Variants in LMO7 observed in about 807,000 individuals in gnomAD.
LMO7 encodes LIM domain 7.
A neutral mutation model predicts 206.5 loss-of-function variants in LMO7; 120 were observed. That is an observed-to-expected ratio of 0.58 (90% CI 0.50 to 0.68). LMO7 has a LOEUF of 0.68. Among genes scored for constraint, LMO7 ranks in the 30% least tolerant of loss-of-function variants. The pLI, the probability that LMO7 is intolerant of heterozygous loss-of-function variation, is 0.00. For missense variants in LMO7, 1,959 were observed against 1,957.9 expected, an observed-to-expected ratio of 1.00 and a Z score of -0.01; for synonymous variants, 706 against 681.5, an observed-to-expected ratio of 1.04 and a Z score of -0.56.
chr13:75,778,703 G>C (rs2140251214), intron 4 of LMO7, among the ~76,000 whole-genome samples: 1 of 152,272 alleles, frequency 6.6e-6, no homozygotes, highest in East Asian at 1.9e-4. Flanking sequence ...GTTGGGTAAG[G>C]CTAGAGGACT....
intron 2 of LMO7, among the ~76,000 whole-genome samples, chr13:75,626,595 A>ATATATATATATATATATATT: frequency 2.8e-5 from 2 of 71,096 alleles, no homozygotes; most frequent in Non-Finnish European, 7.2e-5. Context: ...ATATATATAA[A>ATATATATATATATATATATT]TTTTTTTGAG....
At chr13:75,849,903 C>T (rs941425534) in intron 27 of LMO7, among the ~76,000 whole-genome samples, 1 of 152,116 alleles carries the variant, frequency 6.6e-6, no homozygotes, top group African/African-American at 2.4e-5. Flanking sequence ...TAACATATCA[C>T]AGAGAAAGAG....
chr13:75,802,189 A>G (rs1174763222), intron 7 of LMO7, among the ~76,000 whole-genome samples: 1 of 152,252 alleles, frequency 6.6e-6, no homozygotes, highest in Non-Finnish European at 1.5e-5. Context: ...GCATGGTAAC[A>G]AAAAACCTGA....
At chr13:75,846,888 A>T (rs2060036093) in intron 26 of LMO7, among the ~76,000 whole-genome samples, 1 of 152,114 alleles carries the variant, frequency 6.6e-6, no homozygotes. Context: ...AAAATTAGCC[A>T]GGCGTGGTGG....
At chr13:75,810,565 T>C (rs904272056) in intron 11 of LMO7, among the ~76,000 whole-genome samples, 1 of 152,244 alleles carries the variant, frequency 6.6e-6, no homozygotes, top group Admixed American at 6.5e-5. Flanking sequence ...TGCTTAAACA[T>C]TTGCTACTCT....
At chr13:75,633,841 C>CTTT (rs60769000), upstream of LMO7, among the ~76,000 whole-genome samples, 28 of 64,690 alleles carry the variant, frequency 4.3e-4, no homozygotes, top group African/African-American at 1.0e-3. Flanking sequence ...GTGTCTTTTC[C>CTTT]TTTTTTTTTT....
intron 1 of LMO7, among the ~76,000 whole-genome samples, chr13:75,681,592 T>A (rs1297446455): frequency 1.3e-5 from 2 of 151,504 alleles, no homozygotes; most frequent in African/African-American, 4.8e-5. Flanking sequence ...TGTAGTCAAC[T>A]CTTCTCACTC....
chr13:75,811,243 C>G (rs756466410), intron 11 of LMO7, among the ~76,000 whole-genome samples: 8 of 127,076 alleles, frequency 6.3e-5, no homozygotes, highest in Non-Finnish European at 1.1e-4. Context: ...TGGAGTCTTG[C>G]TATGTTGCCC....
At chr13:75,710,797 T>C (rs2138062811) in intron 1 of LMO7, among the ~76,000 whole-genome samples, 1 of 152,238 alleles carries the variant, frequency 6.6e-6, no homozygotes, top group East Asian at 1.9e-4. Context: ...TATTTCCTTT[T>C]CCTGCCTGAT....
At chr13:75,844,085 C>T (rs1174931095) in intron 25 of LMO7, among the ~76,000 whole-genome samples, 1 of 151,978 alleles carries the variant, frequency 6.6e-6, no homozygotes, top group Non-Finnish European at 1.5e-5. Flanking sequence ...AGCTCATGAC[C>T]TTGGGGAAAA....
chr13:75,756,800 C>A (rs2139585695), intron 3 of LMO7, among the ~76,000 whole-genome samples: 1 of 152,258 alleles, frequency 6.6e-6, no homozygotes, highest in South Asian at 2.1e-4. Flanking sequence ...CTCAGACACT[C>A]CTGGATCTGA....
chr13:75,708,685 C>T (rs1174709495), intron 1 of LMO7, among the ~76,000 whole-genome samples: 1 of 152,218 alleles, frequency 6.6e-6, no homozygotes, highest in Non-Finnish European at 1.5e-5. Flanking sequence ...AAAAGAGTTT[C>T]TCTTGCACAG....
chr13:75,733,781 T>C (rs2045528139), intron 3 of LMO7, among the ~76,000 whole-genome samples: 1 of 152,198 alleles, frequency 6.6e-6, no homozygotes, highest in Non-Finnish European at 1.5e-5. Context: ...TCCTCCCTTA[T>C]TTTAATTTTT....
At chr13:75,750,091 C>G (rs140912459) in intron 3 of LMO7, among the ~76,000 whole-genome samples, 24 of 151,546 alleles carry the variant, frequency 1.6e-4, no homozygotes, top group African/African-American at 5.8e-4. Context: ...CATCAAAGCA[C>G]ACACAACTGC....
chr13:75,820,852 C>G (rs2057497304), intron 13 of LMO7, among the ~76,000 whole-genome samples: 1 of 152,002 alleles, frequency 6.6e-6, no homozygotes, highest in East Asian at 1.9e-4. Flanking sequence ...GAAAAATTAG[C>G]TGGGTGTGGT....
rs1245435937 is a variant in LMO7, at chr13:75,754,184, T to C, written c.211-6748T>C. Among the ~76,000 whole-genome samples, 7 of 152,332 alleles carry C rather than the reference T, an allele frequency of 4.6e-5. No individual in the cohort carries two copies. In the East Asian group the frequency reaches 1.2e-3, roughly 25 times the overall value. On this transcript the variant is annotated intron_variant, in intron 3 of 30. Coordinates refer to ENST00000377534, the MANE Select transcript of LMO7 (RefSeq NM_001306080.2). ...CTTAACATCAAGTGGTTTCTCCCCA[T>C]TTCCTCCTCCTCCATTCAGCTTCTG...
At chr13:75,709,606 G>A (rs1328443384) in intron 1 of LMO7, among the ~76,000 whole-genome samples, 1 of 152,198 alleles carries the variant, frequency 6.6e-6, no homozygotes, top group Non-Finnish European at 1.5e-5. Flanking sequence ...CTTTTGAGAA[G>A]TGTCTGTTCA....
rs2042837225 is a variant in LMO7, at chr13:75,708,660, AT to A, written c.70-4519del. Among the ~76,000 whole-genome samples, 4 of 152,154 alleles carry A rather than the reference AT, an allele frequency of 2.6e-5. No homozygotes were observed. In the South Asian group the frequency reaches 8.3e-4, roughly 32 times the overall value. ...CTCCCCTTGAGTTTGTTTTGGAACA[AT>A]TTGGGGAAAATTCAAAAGAGTTTCT... On this transcript the variant is annotated intron_variant, in intron 1 of 30. Coordinates refer to ENST00000377534, the MANE Select transcript of LMO7 (RefSeq NM_001306080.2).
chr13:75,649,312 T>G (rs2037338467), intron 1 of LMO7, among the ~76,000 whole-genome samples: 1 of 152,208 alleles, frequency 6.6e-6, no homozygotes, highest in South Asian at 2.1e-4. Flanking sequence ...GGAAAATGTC[T>G]TCTGTTAGGA....
Sources: allele counts gnomAD v4.1 joint callset (sites outside exome capture counted in the v4.1 genomes callset), GRCh38; gene constraint gnomAD v4.1.1; transcripts MANE v1.5; gene names NCBI Gene and HGNC (gene_info 2026-07-23, HGNC 2026-07-21).